PDZRN3: variants seen among roughly 807,000 people sequenced by gnomAD.
PDZRN3 encodes the protein E3 ubiquitin-protein ligase PDZRN3.
In PDZRN3, 38 loss-of-function variants were observed where a neutral mutation model predicts 85.7. The ratio of observed to expected loss-of-function variants is 0.44; its 90% CI spans 0.34 to 0.58. The LOEUF (loss-of-function observed/expected upper bound fraction) is 0.58. PDZRN3 is among the 20% of genes least tolerant of loss of function. The probability of loss-of-function intolerance (pLI) is 0.01; values close to 1 mark genes in which losing one functional copy is unlikely to be tolerated. For synonymous variants in PDZRN3, 759 were observed against 638.0 expected, an observed-to-expected ratio of 1.19 and a Z score of -2.86; for missense variants, 1,629 against 1,506.4, an observed-to-expected ratio of 1.08 and a Z score of -1.35.
At chr3:73,515,652 A>C (rs888438882) in intron 3 of PDZRN3, among the ~76,000 whole-genome samples, 2 of 152,230 alleles carry the variant, frequency 1.3e-5, no homozygotes, top group African/African-American at 4.8e-5. Context: ...ATATATCTAG[A>C]TCATACTCTG....
At chr3:73,393,475 A>ACCAAGG (rs1701570193) in intron 5 of PDZRN3, among the ~76,000 whole-genome samples, 18 of 152,366 alleles carry the variant, frequency 1.2e-4, no homozygotes, top group African/African-American at 4.1e-4. Flanking sequence ...GGGCATGATT[A>ACCAAGG]GCAGACTTGT....
At chr3:73,395,651 G>T (rs546378702) in intron 5 of PDZRN3, among the ~76,000 whole-genome samples, 9 of 152,156 alleles carry the variant, frequency 5.9e-5, no homozygotes, top group Non-Finnish European at 1.2e-4. Context: ...CAACTTACTG[G>T]TCCAGGTTGC....
chr3:73,438,530 G>A (rs1028353051), intron 3 of PDZRN3, among the ~76,000 whole-genome samples: 4 of 152,198 alleles, frequency 2.6e-5, no homozygotes, highest in African/African-American at 9.6e-5. Context: ...GAAGTGAGAT[G>A]GCAGGACTGA....
At chr3:73,442,532 G>C (rs114785549) in intron 3 of PDZRN3, among the ~76,000 whole-genome samples, 8 of 152,254 alleles carry the variant, frequency 5.3e-5, no homozygotes, top group African/African-American at 1.4e-4. Flanking sequence ...AAAATGTTAC[G>C]AGGAACACTA....
intron 5 of PDZRN3, among the ~76,000 whole-genome samples, chr3:73,396,653 T>C (rs1701643642): frequency 6.6e-6 from 1 of 152,232 alleles, no homozygotes; most frequent in African/African-American, 2.4e-5. Context: ...CTTTCCTTTC[T>C]GGTCTCAGAA....
At chr3:73,566,093 A>C (rs1387117614) in intron 3 of PDZRN3, among the ~76,000 whole-genome samples, 1 of 152,232 alleles carries the variant, frequency 6.6e-6, no homozygotes, top group Non-Finnish European at 1.5e-5. Flanking sequence ...TGAAATTTCC[A>C]GATGTGACAT....
At chr3:73,523,146 C>A (rs902811167) in intron 3 of PDZRN3, among the ~76,000 whole-genome samples, 1 of 152,172 alleles carries the variant, frequency 6.6e-6, no homozygotes, top group African/African-American at 2.4e-5. Context: ...CCTCGGCCTC[C>A]TGAGTAGCTG....
chr3:73,462,559 A>AAAG (rs1559692599), intron 3 of PDZRN3, among the ~76,000 whole-genome samples: 1 of 150,518 alleles, frequency 6.6e-6, no homozygotes, highest in Non-Finnish European at 1.5e-5. Context: ...AAAAAAAAAA[A>AAAG]AAAGAACTTG....
At position 73,384,607 on chromosome 3, in the gene PDZRN3, C is replaced by T. The variant is rs1344939591; in HGVS notation, c.1959G>A (p.Lys653=). The change falls in exon 10 of 10, where the codon AAG becomes AAA. Residue 653 remains lysine (K), a synonymous_variant. Transcript: ENST00000263666. ...AAGGGGTGGCGCTCTTCACCTGGCA[C>T]TTGAGCTCCAGGAGCTCGCGGAAGC... ...CERFRELLEL[K]CQVKSATPYG... The T allele has an allele frequency of 6.2e-7, 1 of 1,613,860 alleles. No individual in the cohort carries two copies. The highest frequency in any genetic ancestry group is 2.2e-5 in the East Asian group (1 of 44,852).
At chr3:73,550,552 A>G (rs1701530413) in intron 3 of PDZRN3, among the ~76,000 whole-genome samples, 1 of 152,238 alleles carries the variant, frequency 6.6e-6, no homozygotes, top group Admixed American at 6.5e-5. Flanking sequence ...CACTGTTGTA[A>G]GCAGACCTGC....
At chr3:73,530,846 T>C (rs1704636408) in intron 3 of PDZRN3, among the ~76,000 whole-genome samples, 1 of 152,208 alleles carries the variant, frequency 6.6e-6, no homozygotes. Context: ...GTTACTTTGT[T>C]GTGACAAATT....
chr3:73,446,704 C>T (rs941776420), intron 3 of PDZRN3, among the ~76,000 whole-genome samples: 1 of 152,140 alleles, frequency 6.6e-6, no homozygotes, highest in African/African-American at 2.4e-5. Context: ...GGATGGAAAA[C>T]AGACTGCTTC....
At chr3:73,600,208 G>A (rs1702492290) in intron 3 of PDZRN3, among the ~76,000 whole-genome samples, 3 of 151,576 alleles carry the variant, frequency 2.0e-5, no homozygotes, top group African/African-American at 7.3e-5. Flanking sequence ...AAGAATTAAG[G>A]GTCTTACGGT....
At chr3:73,497,747 A>G (rs778842828) in intron 3 of PDZRN3, among the ~76,000 whole-genome samples, 11 of 152,292 alleles carry the variant, frequency 7.2e-5, no homozygotes, top group South Asian at 6.2e-4. Context: ...GTCTCCATAT[A>G]TATCTAGGGA....
At chr3:73,612,836 G>C (rs111868837) in intron 1 of PDZRN3, among the ~76,000 whole-genome samples, 4,935 of 152,220 alleles carry the variant, frequency 0.032, 265 homozygotes, top group African/African-American at 0.11. Context: ...CATGTCACCA[G>C]GTTACTAGGA....
At chr3:73,389,708 C>T (rs1701479516) in intron 7 of PDZRN3, 108 bp downstream of exon 7, 2 of 806,180 alleles carry the variant, frequency 2.5e-6, no homozygotes, top group Non-Finnish European at 4.4e-6. Flanking sequence ...GTTTGTGATC[C>T]CTGTTCTTTA....
chr3:73,395,138 T>C lies in PDZRN3; in HGVS notation c.1255-4022A>G, dbSNP rs1209404017. On this transcript the variant is annotated intron_variant, in intron 5 of 9. Coordinates refer to ENST00000263666, the MANE Select transcript of PDZRN3 (RefSeq NM_015009.3). ...GCAAGTCATTGAACTTCGACAAACT[T>C]AGCCATTCTGTGGTTTTAAAACAAA... 3.3e-5 allele frequency among the ~76,000 whole-genome samples: 5 copies of C among 152,216 alleles called. No homozygotes were observed. In the East Asian group the frequency reaches 7.7e-4, roughly 23 times the overall value.
chr3:73,615,433 G>A lies in PDZRN3; in HGVS notation c.724-6749C>T, dbSNP rs938095133. Among the ~76,000 whole-genome samples the A allele has an allele frequency of 8.5e-5, 13 of 152,266 alleles. No homozygotes were observed. The East Asian group carries it at 1.9e-3, about 23-fold the overall frequency. ...TCCACTTACTTATGGGGTGTGCTAC[G>A]ATCTAAATGTTTATGTGCCCTCAAA... On this transcript the variant is annotated intron_variant, in intron 1 of 9. Transcript: ENST00000263666.
chr3:73,498,522 C>G (rs1703912349), intron 3 of PDZRN3, among the ~76,000 whole-genome samples: 1 of 152,104 alleles, frequency 6.6e-6, no homozygotes, highest in Admixed American at 6.5e-5. Flanking sequence ...TCCCTATAAC[C>G]TAACGCTACC....
Sources: allele counts gnomAD v4.1 joint callset (sites outside exome capture counted in the v4.1 genomes callset), GRCh38; gene constraint gnomAD v4.1.1; transcripts MANE v1.5; gene names NCBI Gene and HGNC (gene_info 2026-07-23, HGNC 2026-07-21).